Variants in LMX1A observed in about 807,000 individuals in gnomAD.
LMX1A encodes the protein LIM homeobox transcription factor 1-alpha.
A neutral mutation model predicts 49.1 loss-of-function variants in LMX1A; 15 were observed. The observed-to-expected ratio is 0.31, with a 90% CI of 0.20 to 0.47. The LOEUF (loss-of-function observed/expected upper bound fraction) is 0.47, where lower values mean the gene tolerates loss of function less well. Among genes scored for constraint, LMX1A ranks in the 20% least tolerant of loss-of-function variants. The pLI is 1.00. For synonymous variants in LMX1A, 167 were observed against 185.7 expected, an observed-to-expected ratio of 0.90 and a Z score of 0.82; for missense variants, 372 against 475.8, an observed-to-expected ratio of 0.78 and a Z score of 2.03.
intron 3 of LMX1A, among the ~76,000 whole-genome samples, chr1:165,337,840 A>G (rs987838523): frequency 7.0e-6 from 1 of 143,654 alleles, no homozygotes; most frequent in Admixed American, 6.8e-5. Context: ...CATATCCTCA[A>G]TTATGCTAGT....
intron 4 of LMX1A, among the ~76,000 whole-genome samples, chr1:165,240,850 G>C (rs1216233908): frequency 6.6e-6 from 1 of 152,160 alleles, no homozygotes; most frequent in Admixed American, 6.5e-5. Context: ...GAGGCACAGA[G>C]AGCTCCATCC....
chr1:165,280,112 A>G (rs1654102824), intron 3 of LMX1A, among the ~76,000 whole-genome samples: 1 of 152,130 alleles, frequency 6.6e-6, no homozygotes, highest in African/African-American at 2.4e-5. Context: ...CAAACCCCCA[A>G]ACAAAGGCAG....
In LMX1A at chr1:165,355,627, G is replaced by T; in HGVS notation, c.-22-46C>A. On this transcript the variant is annotated intron_variant, in intron 1 of 8. Coordinates refer to ENST00000342310, the MANE Select transcript of LMX1A (RefSeq NM_177398.4). This position sits in a 1 kb window ranked among gnomAD's most constrained non-coding sequence, Gnocchi z 4.7. ...TGCGTCTGACGTCCGTGCCCGCTGG[G>T]ACTCGGCGCCAGCAGCCACCGCACT... 1 of 1,473,580 alleles carries T rather than the reference G, an allele frequency of 6.8e-7. No homozygotes were observed. Among genetic ancestry groups the T allele is most frequent in the East Asian group, 2.3e-5 (1 of 42,810 alleles). 91.3% of individuals were successfully genotyped at this position (1,473,580 alleles called of 1,614,324 possible).
At chr1:165,339,046 T>C (rs1337108297) in intron 3 of LMX1A, among the ~76,000 whole-genome samples, 1 of 152,168 alleles carries the variant, frequency 6.6e-6, no homozygotes, top group Non-Finnish European at 1.5e-5. Flanking sequence ...GGCACTGCAA[T>C]AAATGGGATC....
At chr1:165,246,032 G>A (rs1343549) in intron 4 of LMX1A, among the ~76,000 whole-genome samples, 41,951 of 151,258 alleles carry the variant, frequency 0.28, 6,149 homozygotes, top group Middle Eastern at 0.38. Flanking sequence ...CAATATATAC[G>A]TAAGGTGCTC....
intron 8 of LMX1A, among the ~76,000 whole-genome samples, chr1:165,205,238 C>T (rs1405611624): frequency 2.0e-5 from 3 of 152,132 alleles, no homozygotes; most frequent in African/African-American, 7.2e-5. Flanking sequence ...CAAAGCTCAC[C>T]CAGCCCCCTA....
chr1:165,275,121 C>T (rs937397403), intron 3 of LMX1A, among the ~76,000 whole-genome samples: 19 of 152,052 alleles, frequency 1.2e-4, no homozygotes, highest in Admixed American at 1.2e-3. Flanking sequence ...CCTATGGTTT[C>T]CAATAAATGA....
rs201209525 is a variant in LMX1A at position 165,230,413 on chromosome 1, C to CG, written c.497-16601_497-16600insC. Reference sequence around the variant, plus strand: ...TTAGGCAATGCCCAAGGAAACCCCCCCAGTTTGCTATCTAGATAGTAATCT... The same window carrying CG: ...TTAGGCAATGCCCAAGGAAACCCCCCGCAGTTTGCTATCTAGATAGTAATCT... On this transcript the variant is annotated intron_variant, in intron 4 of 8. Coordinates refer to ENST00000342310, the MANE Select transcript of LMX1A (RefSeq NM_177398.4). Among the ~76,000 whole-genome samples, 9 of 152,216 alleles carry CG rather than the reference C, an allele frequency of 5.9e-5. No homozygotes were observed. In the East Asian group the frequency reaches 1.7e-3, roughly 29 times the overall value.
rs1650921937 is a variant in LMX1A, at chr1:165,203,268, GAGC to G, written c.*609_*611del. The stretch of plus-strand genomic sequence containing the variant: ...GCACTCAAAGCTATGGGGCTAGGTG[GAGC>G]AGCCCTCTCTGCCCTGCTGACAAGT... On this transcript the variant is annotated 3_prime_UTR_variant, in exon 9 of 9. Transcript: ENST00000342310. 6.6e-6 allele frequency: 1 copy of G among 152,622 alleles called. No homozygotes were observed. Among genetic ancestry groups the G allele is most frequent in the Non-Finnish European group, 1.5e-5 (1 of 68,062 alleles). The allele number at this position is 152,622 out of a possible 1,614,324, so 9.5% of individuals were successfully genotyped here. A position where few individuals can be genotyped will look rare whatever the true frequency, so the allele number is the denominator to read the frequency against.
At chr1:165,290,620 T>G (rs570504036) in intron 3 of LMX1A, among the ~76,000 whole-genome samples, 4 of 152,366 alleles carry the variant, frequency 2.6e-5, no homozygotes, top group African/African-American at 9.6e-5. Context: ...TTCAGTCTAC[T>G]ATGCCTTTTA....
At chr1:165,260,328 T>C (rs1432169714) in intron 3 of LMX1A, among the ~76,000 whole-genome samples, 1 of 151,958 alleles carries the variant, frequency 6.6e-6, no homozygotes, top group Non-Finnish European at 1.5e-5. Context: ...GAATGTATAT[T>C]TCCTGGTGTG....
chr1:165,237,229 T>C (rs1449877903), intron 4 of LMX1A, among the ~76,000 whole-genome samples: 1 of 152,190 alleles, frequency 6.6e-6, no homozygotes, highest in Non-Finnish European at 1.5e-5. Flanking sequence ...TCTCTATCTT[T>C]ATTTATTTAT....
At chr1:165,326,457 G>A (rs749830458) in intron 3 of LMX1A, among the ~76,000 whole-genome samples, 9 of 152,170 alleles carry the variant, frequency 5.9e-5, no homozygotes, top group African/African-American at 9.7e-5. Flanking sequence ...CAATGGAGAC[G>A]GAATTCTTTT....
At chr1:165,275,466 G>C (rs896452188) in intron 3 of LMX1A, among the ~76,000 whole-genome samples, 1 of 152,148 alleles carries the variant, frequency 6.6e-6, no homozygotes, top group Non-Finnish European at 1.5e-5. Flanking sequence ...AATCCGACTG[G>C]GGTGACAGAG....
At chr1:165,212,406 T>A (rs1458209061) in intron 5 of LMX1A, among the ~76,000 whole-genome samples, 1 of 152,076 alleles carries the variant, frequency 6.6e-6, no homozygotes, top group African/African-American at 2.4e-5. Flanking sequence ...GACCCTCGAA[T>A]GATAGACAGG....
intron 3 of LMX1A, among the ~76,000 whole-genome samples, chr1:165,335,326 T>A (rs745566071): frequency 1.7e-4 from 26 of 152,192 alleles, no homozygotes; most frequent in Non-Finnish European, 2.4e-4. Context: ...AATGTATGCA[T>A]AAATTAATAA....
intron 4 of LMX1A, among the ~76,000 whole-genome samples, chr1:165,244,914 G>A (rs1383325003): frequency 6.6e-6 from 1 of 151,854 alleles, no homozygotes; most frequent in African/African-American, 2.4e-5. Context: ...CTGCTTGGGA[G>A]GCTGCTTCAA....
intron 3 of LMX1A, among the ~76,000 whole-genome samples, chr1:165,320,324 A>G (rs1160455401): frequency 6.6e-6 from 1 of 152,172 alleles, no homozygotes. Context: ...AAAGAAGTCA[A>G]TGTCTTTGGT....
intron 4 of LMX1A, among the ~76,000 whole-genome samples, chr1:165,218,168 C>G (rs1651709566): frequency 6.6e-6 from 1 of 152,238 alleles, no homozygotes; most frequent in Non-Finnish European, 1.5e-5. Flanking sequence ...CTCCTGACCT[C>G]TTGTTCTCCA....
Sources: gnomAD v4.1 joint callset for allele counts (sites outside exome capture counted in the v4.1 genomes callset) on GRCh38, gnomAD v4.1.1 for gene constraint, Gnocchi (gnomAD v3.1) non-coding constraint, MANE v1.5 for transcripts, NCBI Gene and HGNC (gene_info 2026-07-23, HGNC 2026-07-21) for gene names.